SYTL4: variants seen among roughly 807,000 people sequenced by gnomAD.
SYTL4 encodes synaptotagmin like 4.
In SYTL4, 16 loss-of-function variants were observed where a neutral mutation model predicts 52.7. That is an observed-to-expected ratio of 0.30 (90% CI 0.21 to 0.46). The LOEUF (loss-of-function observed/expected upper bound fraction) is 0.46. Ranked by LOEUF, SYTL4 falls within the 20% of genes least tolerant of loss-of-function variation. The probability of loss-of-function intolerance (pLI) is 1.00; values close to 1 mark genes in which losing one functional copy is unlikely to be tolerated. For synonymous variants in SYTL4, 160 were observed against 186.6 expected (o/e 0.86, Z 1.16); for missense variants, 423 against 519.9 (o/e 0.81, Z 1.81).
chrX:100,690,856 C>T (rs1173516919), intron 9 of SYTL4, among the ~76,000 whole-genome samples: 1 of 112,257 alleles, frequency 8.9e-6, no homozygotes, highest in Non-Finnish European at 1.9e-5. Context: ...TCTTAAGGGA[C>T]AGCAGCATCA....
In SYTL4 at chrX:100,691,089, G is replaced by A; in HGVS notation, c.641+19C>T. ...CAACTTGGGTTGAGAGGAGATGAGG[G>A]AAATGGGGGGAACCCCACCTGGAGG... On this transcript the variant is annotated intron_variant, in intron 9 of 19. Coordinates refer to ENST00000372989, the MANE Select transcript of SYTL4 (RefSeq NM_001370165.1). The A allele has an allele frequency of 8.7e-7, 1 of 1,150,686 alleles. No individual in the cohort carries two copies. The highest frequency in any genetic ancestry group is 1.2e-6 in the Non-Finnish European group (1 of 845,566). The allele number at this position is 1,150,686 out of a possible 1,213,427, so 94.8% of individuals were successfully genotyped here. A position where few individuals can be genotyped will look rare whatever the true frequency, so the allele number is the denominator to read the frequency against.
chrX:100,731,212 C>T (rs2084636964), intron 2 of SYTL4, among the ~76,000 whole-genome samples: 1 of 111,634 alleles, frequency 9.0e-6, no homozygotes, highest in African/African-American at 3.3e-5. Flanking sequence ...CCTTTTTCTG[C>T]CCCATTACAA....
intron 19 of SYTL4, 54 bp downstream of exon 19, chrX:100,678,337 A>G: frequency 1.1e-6 from 1 of 930,845 alleles, no homozygotes; most frequent in Non-Finnish European, 1.5e-6. Flanking sequence ...TGGTAATAGG[A>G]GTAAAATAGA....
Position 100,689,933 on chromosome X carries a change from G to A in SYTL4, c.835C>T (p.Arg279Cys), listed in dbSNP as rs141441277. 803 of 1,206,807 alleles carry A rather than the reference G, an allele frequency of 6.7e-4. No homozygotes were observed. Among genetic ancestry groups the A allele is most frequent in the Admixed American group, 2.0e-3 (89 of 45,545 alleles). The change falls in exon 12 of 20, where the codon CGC becomes TGC. Residue 279 changes from arginine to cysteine, a missense_variant. Physicochemically the swap from Arg to Cys is radical, Grantham distance 180. Transcript: ENST00000372989. ...CTTTCATGTACCACATCTTCTGGGC[G>A]AAGATCTATCACAGATTTAGTGTAC... ...SEYTKSVIDLRPEDVVHESGS... is the reference protein window; with the variant it reads ...SEYTKSVIDLCPEDVVHESGS...
intron 2 of SYTL4, among the ~76,000 whole-genome samples, chrX:100,714,960 T>G (rs1006192582): frequency 1.8e-5 from 2 of 112,237 alleles, no homozygotes; most frequent in African/African-American, 3.2e-5. Context: ...ATTGTACCAT[T>G]AATAAATATT....
chrX:100,720,325 C>A (rs2084315219), intron 2 of SYTL4, among the ~76,000 whole-genome samples: 1 of 111,897 alleles, frequency 8.9e-6, no homozygotes, highest in Non-Finnish European at 1.9e-5. Flanking sequence ...AAATCCCCAA[C>A]TAAAAGAATG....
At position 100,691,133 on chromosome X, in the gene SYTL4, T is replaced by A; in HGVS notation, c.616A>T (p.Thr206Ser). The A allele has an allele frequency of 8.3e-7, 1 of 1,207,792 alleles. No homozygotes were observed. The highest frequency in any genetic ancestry group is 1.8e-5 in the South Asian group (1 of 55,883). ...CTGGAGGTGCTATCCGAGTCAGCTGTGAAGCTATCCAGACTCTCACTCTCA... is the reference window on the plus strand; with the variant it reads ...CTGGAGGTGCTATCCGAGTCAGCTGAGAAGCTATCCAGACTCTCACTCTCA... ...EAESESLDSF[T>S]ADSDSTSRRD... is the part of the protein sequence containing the mutation. Residue 206 changes from threonine to serine, a missense_variant, in exon 9 of 20, where the codon ACA becomes TCA. Coordinates refer to ENST00000372989, the MANE Select transcript of SYTL4 (RefSeq NM_001370165.1).
chrX:100,701,882 C>T, intron 5 of SYTL4, 46 bp downstream of exon 5: 1 of 1,025,064 alleles, frequency 9.8e-7, no homozygotes, highest in Non-Finnish European at 1.4e-6. Flanking sequence ...GCCCAGACAT[C>T]ATTGGTCAAA....
At chrX:100,712,010 A>C (rs2084082403) in intron 2 of SYTL4, among the ~76,000 whole-genome samples, 1 of 110,591 alleles carries the variant, frequency 9.0e-6, no homozygotes, top group Admixed American at 9.6e-5. Context: ...GAAAAAAAAC[A>C]ACCATCAACC....
intron 2 of SYTL4, among the ~76,000 whole-genome samples, chrX:100,729,689 A>G (rs1317285605): frequency 9.0e-6 from 1 of 111,292 alleles, no homozygotes; most frequent in Non-Finnish European, 1.9e-5. Flanking sequence ...CCAGGTGGAA[A>G]AACAACTAAG....
In SYTL4 at chrX:100,680,212, C is replaced by T. The variant is rs73636613; in HGVS notation, c.1559-800G>A. 2.9e-3 allele frequency among the ~76,000 whole-genome samples: 320 copies of T among 110,996 alleles called. 1 individual carries two copies. Among genetic ancestry groups the T allele is most frequent in the African/African-American group, 0.01 (314 of 30,499 alleles). ...GTATTTCAATACTGTTGATAACCTC[C>T]GCCCCTTCTTCTTGAAGCTCTCTCC... On this transcript the variant is annotated intron_variant, in intron 17 of 19. Transcript: ENST00000372989.
Position 100,675,690 on chromosome X carries a change from G to A in SYTL4, c.*338C>T. 1 of 151,189 alleles carries A rather than the reference G, an allele frequency of 6.6e-6. No individual in the cohort carries two copies. Among genetic ancestry groups the A allele is most frequent in the Non-Finnish European group, 1.3e-5 (1 of 78,488 alleles). 12.5% of individuals were successfully genotyped at this position (151,189 alleles called of 1,213,427 possible). ...TAGGAACAATGATAGCAAGACAGAA[G>A]ATAAAAAGTTGTTTTAAAAGCTGTT... is the stretch of plus-strand genomic sequence containing the variant. On this transcript the variant is annotated 3_prime_UTR_variant, in exon 20 of 20. Coordinates refer to ENST00000372989, the MANE Select transcript of SYTL4 (RefSeq NM_001370165.1).
intron 2 of SYTL4, among the ~76,000 whole-genome samples, chrX:100,714,538 C>A (rs188886056): frequency 9.2e-6 from 1 of 108,178 alleles, no homozygotes; most frequent in Non-Finnish European, 1.9e-5. Flanking sequence ...GGATTACAGG[C>A]GTGAGCCACC....
intron 8 of SYTL4, among the ~76,000 whole-genome samples, chrX:100,693,137 C>A (rs1366151396): frequency 9.0e-6 from 1 of 111,475 alleles, no homozygotes; most frequent in Non-Finnish European, 1.9e-5. Context: ...ACCATGTTGG[C>A]CAGGCTGGTC....
intron 2 of SYTL4, among the ~76,000 whole-genome samples, chrX:100,720,437 C>T (rs1322535090): frequency 8.9e-6 from 1 of 112,616 alleles, no homozygotes; most frequent in Non-Finnish European, 1.9e-5. Context: ...ACCTCCCACG[C>T]AGAACACTAT....
At chrX:100,695,537 T>C (rs770524133) in intron 8 of SYTL4, among the ~76,000 whole-genome samples, 2 of 111,456 alleles carry the variant, frequency 1.8e-5, no homozygotes, top group African/African-American at 6.5e-5. Context: ...GGGGGCCTCA[T>C]CACCTGGAAC....
intron 2 of SYTL4, among the ~76,000 whole-genome samples, chrX:100,727,156 A>G (rs1160363572): frequency 8.9e-6 from 1 of 112,187 alleles, no homozygotes; most frequent in African/African-American, 3.2e-5. Context: ...CGAGAGGGGT[A>G]CACATCATGA....
intron 2 of SYTL4, among the ~76,000 whole-genome samples, chrX:100,720,804 G>A (rs1338248745): frequency 8.9e-6 from 1 of 112,243 alleles, no homozygotes; most frequent in African/African-American, 3.2e-5. Context: ...TAATTTTAAA[G>A]TGTTACTTGA....
intron 2 of SYTL4, 21 bp from the exon 3 acceptor site, chrX:100,704,907 T>C (rs1158003401): frequency 8.9e-6 from 1 of 112,129 alleles, no homozygotes; most frequent in Non-Finnish European, 1.9e-5. Context: ...GTGGAGAACA[T>C]AAACAACACG....
Sources: gnomAD v4.1 joint callset for allele counts (sites outside exome capture counted in the v4.1 genomes callset) on GRCh38, gnomAD v4.1.1 for gene constraint, MANE v1.5 for transcripts, NCBI Gene and HGNC (gene_info 2026-07-23, HGNC 2026-07-21) for gene names.